CADPS2: variants seen among roughly 807,000 people sequenced by gnomAD.
CADPS2 encodes the protein calcium dependent secretion activator 2.
In CADPS2, 93 loss-of-function variants were observed where a neutral mutation model predicts 172.5. The observed-to-expected ratio is 0.54, with a 90% CI of 0.46 to 0.64. The LOEUF (loss-of-function observed/expected upper bound fraction) is 0.64, where lower values mean the gene tolerates loss of function less well. Among genes scored for constraint, CADPS2 ranks in the 30% least tolerant of loss-of-function variants. The pLI is 0.00. For synonymous variants in CADPS2, 546 were observed against 555.2 expected (o/e 0.98, Z 0.23); for missense variants, 1,420 against 1,565.9 (o/e 0.91, Z 1.57).
chr7:122,678,489 T>C (rs952906351), intron 2 of CADPS2, among the ~76,000 whole-genome samples: 39 of 152,164 alleles, frequency 2.6e-4, no homozygotes, highest in Non-Finnish European at 5.7e-4. Flanking sequence ...TTACGTTTTT[T>C]GTAAGGATAA....
chr7:122,438,578 T>G (rs564808699), intron 16 of CADPS2, 114 bp from the exon 17 acceptor site: 1 of 1,228,828 alleles, frequency 8.1e-7, no homozygotes, highest in South Asian at 1.4e-5. Context: ...CAAATTGTCC[T>G]TGATCTGACT....
intron 1 of CADPS2, among the ~76,000 whole-genome samples, chr7:122,824,570 CTTTA>C (rs772886086): frequency 2.6e-5 from 4 of 152,102 alleles, no homozygotes; most frequent in Non-Finnish European, 5.9e-5. Context: ...ATCCTTTGCT[CTTTA>C]TTTAGTTATT....
At chr7:122,562,906 G>A (rs1158146627) in intron 7 of CADPS2, among the ~76,000 whole-genome samples, 1 of 152,034 alleles carries the variant, frequency 6.6e-6, no homozygotes, top group African/African-American at 2.4e-5. Context: ...GTTTAACAAT[G>A]AAGCTGATTA....
intron 7 of CADPS2, among the ~76,000 whole-genome samples, chr7:122,560,450 CCTCT>C (rs925594161): frequency 2.6e-5 from 4 of 152,030 alleles, no homozygotes; most frequent in Non-Finnish European, 4.4e-5. Flanking sequence ...GAATAATTCC[CCTCT>C]CTCTAGCTAC....
intron 2 of CADPS2, chr7:122,701,712 T>C: frequency 1.7e-6 from 1 of 573,476 alleles, no homozygotes; most frequent in South Asian, 3.2e-5. Flanking sequence ...AATTTCACCC[T>C]TGTTCATACT....
At chr7:122,794,331 T>C (rs1199828079) in intron 1 of CADPS2, among the ~76,000 whole-genome samples, 1 of 152,074 alleles carries the variant, frequency 6.6e-6, no homozygotes, top group Non-Finnish European at 1.5e-5. Flanking sequence ...CTTGTCTAAT[T>C]GTCTTATTTC....
chr7:122,386,672 A>G (rs187988997), intron 24 of CADPS2, among the ~76,000 whole-genome samples: 382 of 152,212 alleles, frequency 2.5e-3, no homozygotes, highest in Admixed American at 3.4e-3. Flanking sequence ...TCTTACTTTT[A>G]TAGATGCAAA....
At chr7:122,812,061 A>G (rs1469398155) in intron 1 of CADPS2, among the ~76,000 whole-genome samples, 1 of 152,002 alleles carries the variant, frequency 6.6e-6, no homozygotes, top group African/African-American at 2.4e-5. Context: ...CTTTCATAGA[A>G]CTTAGCAGAT....
At chr7:122,743,833 T>C (rs1251377265) in intron 1 of CADPS2, among the ~76,000 whole-genome samples, 1 of 152,166 alleles carries the variant, frequency 6.6e-6, no homozygotes, top group Non-Finnish European at 1.5e-5. Flanking sequence ...AGCAAAATCA[T>C]CAGTGTCTTC....
chr7:122,385,275 T>A (rs899772600), intron 24 of CADPS2, among the ~76,000 whole-genome samples: 1 of 152,016 alleles, frequency 6.6e-6, no homozygotes, highest in Non-Finnish European at 1.5e-5. Context: ...TAAGGTTGTA[T>A]GCTATGGTAA....
chr7:122,338,758 A>C (rs2036298413), intron 28 of CADPS2, among the ~76,000 whole-genome samples: 1 of 152,120 alleles, frequency 6.6e-6, no homozygotes, highest in African/African-American at 2.4e-5. Flanking sequence ...CACATATAAG[A>C]AAGCATCCCA....
rs780037421 is a variant in CADPS2 at position 122,498,137 on chromosome 7, G to A, written c.1543-6717C>T. Among the ~76,000 whole-genome samples the A allele has an allele frequency of 5.3e-5, 8 of 152,098 alleles. No individual in the cohort carries two copies. The South Asian group carries it at 6.2e-4, about 12-fold the overall frequency. On this transcript the variant is annotated intron_variant, in intron 9 of 29. Transcript: ENST00000449022. ...TAATTTTTGTATTTTTAATAGAGACGGGGGTTCACCACGTTGGCTAGGCTG... is the reference window on the plus strand; with the variant it reads ...TAATTTTTGTATTTTTAATAGAGACAGGGGTTCACCACGTTGGCTAGGCTG...
intron 28 of CADPS2, among the ~76,000 whole-genome samples, chr7:122,327,663 TTATAA>T (rs1181651566): frequency 2.6e-5 from 4 of 152,006 alleles, no homozygotes; most frequent in Non-Finnish European, 5.9e-5. Flanking sequence ...AAAATGGTAC[TTATAA>T]TTAAGTGATA....
chr7:122,439,496 A>T (rs2151950408), intron 16 of CADPS2: 1 of 152,274 alleles, frequency 6.6e-6, no homozygotes, highest in South Asian at 2.1e-4. Context: ...GTATTATTTC[A>T]TTCTCTTGTA....
At chr7:122,344,194 A>G (rs760924649) in intron 28 of CADPS2, among the ~76,000 whole-genome samples, 19 of 152,246 alleles carry the variant, frequency 1.2e-4, no homozygotes, top group Non-Finnish European at 2.6e-4. Flanking sequence ...AATTGCTGTT[A>G]CGAAAACATT....
chr7:122,622,046 C>A (rs1360104364), intron 4 of CADPS2, among the ~76,000 whole-genome samples: 3 of 152,116 alleles, frequency 2.0e-5, no homozygotes, highest in Admixed American at 6.5e-5. Context: ...TATAGATGAA[C>A]CTTAGCCACT....
chr7:122,704,195 C>T (rs1008433071), intron 2 of CADPS2, among the ~76,000 whole-genome samples: 2 of 151,788 alleles, frequency 1.3e-5, no homozygotes, highest in Admixed American at 1.3e-4. Context: ...TATTGTATTC[C>T]CTGGCCTATT....
chr7:122,318,641 G>C lies in CADPS2; in HGVS notation c.*1524C>G, dbSNP rs1409293032. On this transcript the variant is annotated 3_prime_UTR_variant, in exon 30 of 30. Coordinates refer to ENST00000449022, the MANE Select transcript of CADPS2 (RefSeq NM_017954.11). Reference sequence around the variant, plus strand: ...ATTCCCAAACTGCCTTTCAAAGATAGTGAGTTGGTAGAGTTAGTCTTTAAT... The same window carrying C: ...ATTCCCAAACTGCCTTTCAAAGATACTGAGTTGGTAGAGTTAGTCTTTAAT... The C allele has an allele frequency of 6.6e-6, 1 of 152,218 alleles. No homozygotes were observed. The highest frequency in any genetic ancestry group is 2.4e-5 in the African/African-American group (1 of 41,442). 9.4% of individuals were successfully genotyped at this position (152,218 alleles called of 1,614,324 possible).
chr7:122,714,473 C>T (rs1330380480), intron 2 of CADPS2, among the ~76,000 whole-genome samples: 1 of 151,880 alleles, frequency 6.6e-6, no homozygotes, highest in African/African-American at 2.4e-5. Flanking sequence ...GTTTTACTAT[C>T]ATCATTTTTT....
Sources: allele counts gnomAD v4.1 joint callset (sites outside exome capture counted in the v4.1 genomes callset), GRCh38; gene constraint gnomAD v4.1.1; transcripts MANE v1.5; gene names NCBI Gene and HGNC (gene_info 2026-07-23, HGNC 2026-07-21).